NCOR1: variants seen among roughly 807,000 people sequenced by gnomAD.
NCOR1 encodes protein phosphatase 1, regulatory subunit 109.
NCOR1 carries 63 observed loss-of-function variants against 288.1 expected under a neutral mutation model. That is an observed-to-expected ratio of 0.22 (90% confidence interval 0.18 to 0.27). The LOEUF (loss-of-function observed/expected upper bound fraction) is 0.27. Among genes scored for constraint, NCOR1 ranks in the 10% least tolerant of loss-of-function variants. The pLI, the probability that NCOR1 is intolerant of heterozygous loss-of-function variation, is 1.00. For missense variants in NCOR1, 2,397 were observed against 3,019.2 expected, an observed-to-expected ratio of 0.79 and a Z score of 4.83; for synonymous variants, 1,007 against 1,065.9, an observed-to-expected ratio of 0.94 and a Z score of 1.08.
rs1282094664 is a variant in NCOR1 at position 16,031,436 on chromosome 17, A to G, written c.*860T>C. 1 of 194,222 alleles carries G rather than the reference A, an allele frequency of 5.1e-6. No homozygotes were observed. The highest frequency in any genetic ancestry group is 2.3e-5 in the African/African-American group (1 of 43,208). The allele number at this position is 194,222 out of a possible 1,614,324, so 12.0% of individuals were successfully genotyped here. A position where few individuals can be genotyped will look rare whatever the true frequency, so the allele number is the denominator to read the frequency against. The stretch of plus-strand genomic sequence containing the variant: ...AGGGTAGTCAAATTTATTTCAAAAC[A>G]AAAGCTTTGTTGGGCTGCATCAAAT... On this transcript the variant is annotated 3_prime_UTR_variant, in exon 46 of 46. Coordinates refer to ENST00000268712, the MANE Select transcript of NCOR1 (RefSeq NM_006311.4).
intron 14 of NCOR1, among the ~76,000 whole-genome samples, chr17:16,126,972 G>A (rs190035735): frequency 1.8e-4 from 28 of 152,194 alleles, no homozygotes; most frequent in Non-Finnish European, 2.2e-4. Flanking sequence ...GTAGCGTACA[G>A]TATGATATTT....
chr17:16,038,818 T>A (rs985333435), intron 44 of NCOR1, among the ~76,000 whole-genome samples: 52 of 152,342 alleles, frequency 3.4e-4, no homozygotes, highest in African/African-American at 1.2e-3. Flanking sequence ...GTTTCCAGGC[T>A]GGAGTGCAGT....
chr17:16,061,322 T>G (rs938356997), intron 37 of NCOR1, 79 bp downstream of exon 37: 79 of 1,491,308 alleles, frequency 5.3e-5, no homozygotes, highest in Middle Eastern at 1.9e-4. Context: ...TTAAATACCA[T>G]ATAGTTCTAC....
chr17:16,151,727 G>T, intron 8 of NCOR1: 1 of 1,100,008 alleles, frequency 9.1e-7, no homozygotes, highest in Non-Finnish European at 1.3e-6. Context: ...CTAGTTTTAT[G>T]CAATAATTTA....
intron 1 of NCOR1, among the ~76,000 whole-genome samples, chr17:16,202,344 T>G (rs1327381040): frequency 2.7e-5 from 4 of 148,612 alleles, no homozygotes; most frequent in African/African-American, 1.0e-4. Flanking sequence ...GAGGTTGCAG[T>G]GAGCCGAGAT....
chr17:16,081,375 A>G (rs907218334), intron 23 of NCOR1, among the ~76,000 whole-genome samples: 2 of 25,336 alleles, frequency 7.9e-5, no homozygotes, highest in Non-Finnish European at 1.6e-4. Flanking sequence ...ATCTGGAAAT[A>G]TTTATTTAAA....
intron 26 of NCOR1, among the ~76,000 whole-genome samples, chr17:16,078,796 A>G (rs1264525776): frequency 6.6e-6 from 1 of 152,084 alleles, no homozygotes; most frequent in African/African-American, 2.4e-5. Context: ...GGCTGGTCTC[A>G]AACTCCTGAC....
chr17:16,178,785 C>T (rs1426339879), intron 3 of NCOR1, among the ~76,000 whole-genome samples: 1 of 151,928 alleles, frequency 6.6e-6, no homozygotes, highest in East Asian at 1.9e-4. Flanking sequence ...AATTCTCTCT[C>T]CAAACTTAAC....
chr17:16,047,061 T>C lies in NCOR1; in HGVS notation c.6569A>G (p.Tyr2190Cys), dbSNP rs757944393. ...AAGCTTGGTGAAGAATGAAGGCAAG[T>C]AGCTTATACTCCCTGGTGAGCGGGC... is the stretch of plus-strand genomic sequence containing the variant. Reference protein sequence around the residue: ...NDARSPGSISYLPSFFTKLEN... With the variant: ...NDARSPGSISCLPSFFTKLEN... The change falls in exon 42 of 46, where the codon TAC (tyrosine) becomes TGC (cysteine). Residue 2190 changes from tyrosine to cysteine, a missense_variant. Tyr to Cys is a radical substitution (Grantham distance 194). Transcript: ENST00000268712. The C allele has an allele frequency of 3.7e-6, 6 of 1,613,748 alleles. No homozygotes were observed. The highest frequency in any genetic ancestry group is 5.1e-6 in the Non-Finnish European group (6 of 1,179,844).
At chr17:16,050,819 GC>G in intron 40 of NCOR1, among the ~76,000 whole-genome samples, 1 of 151,838 alleles carries the variant, frequency 6.6e-6, no homozygotes, top group Admixed American at 6.6e-5. Flanking sequence ...CTCTGTTGTT[GC>G]CCATTTTATT....
chr17:16,125,405 A>T lies in NCOR1; in HGVS notation c.1634+677T>A, dbSNP rs1009385182. On this transcript the variant is annotated intron_variant, in intron 15 of 45. Coordinates refer to ENST00000268712, the MANE Select transcript of NCOR1 (RefSeq NM_006311.4). ...ATAAAATTTCAGCAGATTAAATTTCATTATTTAAAAATTACTAGGCTGGGC... is the reference window on the plus strand; with the variant it reads ...ATAAAATTTCAGCAGATTAAATTTCTTTATTTAAAAATTACTAGGCTGGGC... Among the ~76,000 whole-genome samples, 4 of 151,770 alleles carry T rather than the reference A, an allele frequency of 2.6e-5. No homozygotes were observed. The East Asian group carries it at 7.7e-4, about 29-fold the overall frequency.
chr17:16,186,990 A>AT (rs2086789786), intron 2 of NCOR1, among the ~76,000 whole-genome samples: 1 of 152,218 alleles, frequency 6.6e-6, no homozygotes, highest in Admixed American at 6.5e-5. Flanking sequence ...CATGTGTTCA[A>AT]TATGAAATCC....
intron 3 of NCOR1, among the ~76,000 whole-genome samples, chr17:16,177,949 C>T (rs182352015): frequency 1.1e-4 from 16 of 152,318 alleles, no homozygotes; most frequent in African/African-American, 3.6e-4. Flanking sequence ...GTGGCTCACG[C>T]CTGTAATCCC....
chr17:16,176,153 A>C (rs2084132885), intron 3 of NCOR1, among the ~76,000 whole-genome samples: 1 of 152,140 alleles, frequency 6.6e-6, no homozygotes, highest in Non-Finnish European at 1.5e-5. Flanking sequence ...CAGGAAGCGG[A>C]GGTTGCAGTG....
intron 10 of NCOR1, among the ~76,000 whole-genome samples, chr17:16,144,749 C>T (rs997311014): frequency 6.6e-6 from 1 of 151,612 alleles, no homozygotes. Context: ...TCCGCTTCTC[C>T]CGCTTTCCAC....
chr17:16,110,382 A>T (rs571139688), intron 18 of NCOR1, among the ~76,000 whole-genome samples: 178 of 152,056 alleles, frequency 1.2e-3, no homozygotes, highest in Non-Finnish European at 2.0e-3. Context: ...AAAAACAAAA[A>T]TTTTTTTTAA....
chr17:16,046,032 C>T (rs1168234246), intron 42 of NCOR1, among the ~76,000 whole-genome samples: 3 of 152,120 alleles, frequency 2.0e-5, no homozygotes, highest in African/African-American at 7.2e-5. Context: ...AGGCTAATCT[C>T]GAACTCCTGG....
intron 32 of NCOR1, among the ~76,000 whole-genome samples, chr17:16,066,148 T>A (rs1023450892): frequency 2.0e-5 from 3 of 152,192 alleles, no homozygotes; most frequent in African/African-American, 7.2e-5. Flanking sequence ...GTCCATGTGT[T>A]TGGAGCAGAG....
At chr17:16,169,857 A>G (rs989030104) in intron 4 of NCOR1, among the ~76,000 whole-genome samples, 1 of 152,130 alleles carries the variant, frequency 6.6e-6, no homozygotes, top group African/African-American at 2.4e-5. Flanking sequence ...TCTTTTTTTT[A>G]ATGCAGCAGA....
Sources: allele counts gnomAD v4.1 joint callset (sites outside exome capture counted in the v4.1 genomes callset), GRCh38; gene constraint gnomAD v4.1.1; transcripts MANE v1.5; gene names NCBI Gene and HGNC (gene_info 2026-07-23, HGNC 2026-07-21).